ACBD3: variants seen among roughly 807,000 people sequenced by gnomAD.
ACBD3 encodes Golgi resident protein GCP60.
Under a neutral mutation model 66.9 loss-of-function variants are expected in ACBD3, and 30 were observed. The ratio of observed to expected loss-of-function variants is 0.45; its 90% CI spans 0.34 to 0.61. ACBD3 has a LOEUF of 0.61. Ranked by LOEUF, ACBD3 falls within the 20% of genes least tolerant of loss-of-function variation. The pLI is 0.02. For synonymous variants in ACBD3, 278 were observed against 259.8 expected (o/e 1.07, Z -0.68); for missense variants, 544 against 664.5 (o/e 0.82, Z 1.99).
At chr1:226,169,814 G>C (rs957266048) in intron 1 of ACBD3, among the ~76,000 whole-genome samples, 4 of 151,648 alleles carry the variant, frequency 2.6e-5, no homozygotes, top group Non-Finnish European at 5.9e-5. Flanking sequence ...CTGAGGTCAA[G>C]AGTTCGAGAT....
chr1:226,174,874 G>T (rs995441704), intron 1 of ACBD3, among the ~76,000 whole-genome samples: 6 of 151,698 alleles, frequency 4.0e-5, no homozygotes, highest in African/African-American at 1.5e-4. Context: ...GCCAAGGCAG[G>T]CAGATCACCT....
rs1323864559 is a variant in ACBD3 at position 226,165,854 on chromosome 1, G to C, written c.428+5C>G. 20 of 1,602,672 alleles carry C rather than the reference G, an allele frequency of 1.2e-5. No individual in the cohort carries two copies. Among genetic ancestry groups the C allele is most frequent in the Non-Finnish European group, 1.6e-5 (19 of 1,177,130 alleles). On this transcript the variant is annotated splice_donor_5th_base_variant and intron_variant, in intron 2 of 7. Transcript: ENST00000366812. ...TAAATTCACTATACAGAAAAACACT[G>C]TTACCTCCTGTCATTCCCCAACACA...
At chr1:226,178,894 G>A (rs1656113036) in intron 1 of ACBD3, among the ~76,000 whole-genome samples, 1 of 152,132 alleles carries the variant, frequency 6.6e-6, no homozygotes, top group Non-Finnish European at 1.5e-5. Flanking sequence ...GAATAGCTGT[G>A]ATTCTTAGCT....
intron 5 of ACBD3, among the ~76,000 whole-genome samples, chr1:226,158,899 A>T (rs894480213): frequency 1.3e-5 from 2 of 152,186 alleles, no homozygotes; most frequent in African/African-American, 4.8e-5. Context: ...ATGTTCCAGG[A>T]CCACTATTAG....
At position 226,159,221 on chromosome 1, in the gene ACBD3, A is replaced by G; in HGVS notation, c.866T>C (p.Met289Thr). 6.2e-7 allele frequency: 1 copy of G among 1,614,190 alleles called. No homozygotes were observed. The highest frequency in any genetic ancestry group is 8.5e-7 in the Non-Finnish European group (1 of 1,180,020). Reference sequence around the variant, plus strand: ...AAGCTGGACTTGATACAACTGCTGCATGTACTGCTGATAGTGTTGCTCCTG... The same window carrying G: ...AAGCTGGACTTGATACAACTGCTGCGTGTACTGCTGATAGTGTTGCTCCTG... Reference protein sequence around the residue: ...QLQEQHYQQYMQQLYQVQLAQ... With the variant: ...QLQEQHYQQYTQQLYQVQLAQ... The change falls in exon 5 of 8, where the codon ATG becomes ACG. Residue 289 changes from methionine (M) to threonine (T), a missense_variant. This residue lies in a region of ACBD3 where 383 missense variants were observed against 462.4 expected (regional missense o/e 0.83). Coordinates refer to ENST00000366812, the MANE Select transcript of ACBD3 (RefSeq NM_022735.4).
chr1:226,147,988 G>A (rs969383179), intron 7 of ACBD3: 1 of 152,086 alleles, frequency 6.6e-6, no homozygotes, highest in African/African-American at 2.4e-5. Flanking sequence ...TGGATTTTCA[G>A]GTTTATAACA....
At chr1:226,177,434 G>C (rs12028483) in intron 1 of ACBD3, among the ~76,000 whole-genome samples, 2 of 150,288 alleles carry the variant, frequency 1.3e-5, no homozygotes, top group African/African-American at 2.5e-5. Flanking sequence ...TGAACTCGTA[G>C]ATCCGCCTGC....
At chr1:226,170,164 G>GGT (rs373150407) in intron 1 of ACBD3, among the ~76,000 whole-genome samples, 1 of 133,046 alleles carries the variant, frequency 7.5e-6, no homozygotes, top group African/African-American at 2.8e-5. Context: ...TTTTTTTTTG[G>GGT]TTTTTTTTTT....
intron 1 of ACBD3, among the ~76,000 whole-genome samples, chr1:226,170,020 C>CA (rs771896387): frequency 0.026 from 1,913 of 74,502 alleles, 63 homozygotes; most frequent in South Asian, 0.045. Flanking sequence ...GATTCCATCT[C>CA]AAAAAAAAAA....
At chr1:226,166,053 T>C (rs1659871067) in intron 1 of ACBD3, 53 bp from the exon 2 acceptor site, 7 of 1,549,938 alleles carry the variant, frequency 4.5e-6, no homozygotes, top group Non-Finnish European at 6.1e-6. Context: ...AAATACATAA[T>C]TTTCAGCATT....
rs902604754 is a variant in ACBD3 at position 226,146,506 on chromosome 1, T to C, written c.*104A>G. 2 of 940,444 alleles carry C rather than the reference T, an allele frequency of 2.1e-6. No homozygotes were observed. Among genetic ancestry groups the C allele is most frequent in the Non-Finnish European group, 3.2e-6 (2 of 625,730 alleles). 58.3% of individuals were successfully genotyped at this position (940,444 alleles called of 1,614,324 possible). A position where few individuals can be genotyped will look rare whatever the true frequency, so the allele number is the denominator to read the frequency against. Reference sequence around the variant, plus strand: ...TCACAAACCATCAGACCAATATCAATAAGGTAAACTGTGACTCTAATGCTC... The same window carrying C: ...TCACAAACCATCAGACCAATATCAACAAGGTAAACTGTGACTCTAATGCTC... On this transcript the variant is annotated 3_prime_UTR_variant, in exon 8 of 8. Transcript: ENST00000366812.
chr1:226,170,232 A>G (rs1368533751), intron 1 of ACBD3, among the ~76,000 whole-genome samples: 1 of 143,490 alleles, frequency 7.0e-6, no homozygotes, highest in Non-Finnish European at 1.5e-5. Flanking sequence ...ATCTCGGTTC[A>G]CTGCAAGCTC....
intron 1 of ACBD3, among the ~76,000 whole-genome samples, chr1:226,173,556 T>C (rs1311086253): frequency 1.3e-5 from 2 of 151,768 alleles, no homozygotes; most frequent in Admixed American, 1.3e-4. Context: ...ATAGCACAGT[T>C]CACACAGTAC....
At chr1:226,159,407 C>A (rs370313981) in intron 4 of ACBD3, 49 bp from the exon 5 acceptor site, 40 of 1,567,462 alleles carry the variant, frequency 2.6e-5, no homozygotes, top group Non-Finnish European at 3.2e-5. Context: ...GGAGATTGTT[C>A]ATGACAAAAT....
At chr1:226,166,643 A>G (rs1325295182) in intron 1 of ACBD3, among the ~76,000 whole-genome samples, 1 of 151,196 alleles carries the variant, frequency 6.6e-6, no homozygotes, top group Non-Finnish European at 1.5e-5. Context: ...ATGCGCCATC[A>G]TACGTGGAAA....
rs1659841780 is a variant in ACBD3, at chr1:226,164,815, T to C, written c.543A>G (p.Ile181Met). The change falls in exon 3 of 8, where the codon ATA (isoleucine) becomes ATG (methionine). Residue 181 changes from isoleucine to methionine, a missense_variant. By Grantham distance (10) the Ile-to-Met change is conservative. This residue lies in a region of ACBD3 where 383 missense variants were observed against 462.4 expected (regional missense o/e 0.83). Coordinates refer to ENST00000366812, the MANE Select transcript of ACBD3 (RefSeq NM_022735.4). ...LFSTYVASHK[I>M]EKEEQEKKRK... ...TTTTTTTTTCTTGCTCTTCCTTCTC[T>C]ATTTTGTGGGACGCAACATATGTTG... 1 of 1,609,712 alleles carries C rather than the reference T, an allele frequency of 6.2e-7. No individual in the cohort carries two copies. Among genetic ancestry groups the C allele is most frequent in the African/African-American group, 1.3e-5 (1 of 74,846 alleles).
At chr1:226,179,282 T>C (rs555064053) in intron 1 of ACBD3, among the ~76,000 whole-genome samples, 1 of 152,322 alleles carries the variant, frequency 6.6e-6, no homozygotes, top group East Asian at 1.9e-4. Flanking sequence ...ATGATAATAA[T>C]GGCAGGGACT....
Position 226,186,444 on chromosome 1 carries a change from G to A in ACBD3, c.232C>T (p.Arg78Cys). Residue 78 changes from arginine (R) to cysteine (C), a missense_variant, in exon 1 of 8, where the codon CGC becomes TGC. By Grantham distance (180) the Arg-to-Cys change is radical. This residue lies in a region of ACBD3 where 137 missense variants were observed against 145.9 expected (regional missense o/e 0.94). Coordinates refer to ENST00000366812, the MANE Select transcript of ACBD3 (RefSeq NM_022735.4). ...AACTCCTCCAGGCCGAAACCCCAGC[G>A]CTGCTCCAGCCGCCGCGCCTCCTCC... ...AAEEARRLEQ[R>C]WGFGLEELYG... 6.6e-7 allele frequency: 1 copy of A among 1,512,224 alleles called. No individual in the cohort carries two copies. The highest frequency in any genetic ancestry group is 8.8e-7 in the Non-Finnish European group (1 of 1,132,996). The allele number at this position is 1,512,224 out of a possible 1,614,324, so 93.7% of individuals were successfully genotyped here.
chr1:226,148,847 A>C (rs1053169232), intron 7 of ACBD3, among the ~76,000 whole-genome samples: 2 of 152,242 alleles, frequency 1.3e-5, no homozygotes, highest in Admixed American at 1.3e-4. Context: ...TTGTGAGCTA[A>C]ATCTTTAAAT....
Sources: gnomAD v4.1 joint callset for allele counts (sites outside exome capture counted in the v4.1 genomes callset) on GRCh38, gnomAD v4.1.1 for gene constraint, gnomAD v4.1.1 regional missense constraint, MANE v1.5 for transcripts, NCBI Gene and HGNC (gene_info 2026-07-23, HGNC 2026-07-21) for gene names.